The following KAZN variants were observed in gnomAD, a reference collection of about 807,000 sequenced individuals.
KAZN encodes the protein kazrin.
A neutral mutation model predicts 87.4 loss-of-function variants in KAZN; 40 were observed. The observed-to-expected ratio is 0.46, with a 90% CI of 0.36 to 0.60. The LOEUF is 0.60. KAZN is among the 20% of genes least tolerant of loss of function. The pLI is 0.00. For missense variants in KAZN, 898 were observed against 1,073.9 expected (o/e 0.84, Z 2.29); for synonymous variants, 466 against 458.3 (o/e 1.02, Z -0.22).
At chr1:14,316,091 T>C (rs1655640302) in intron 2 of KAZN, among the ~76,000 whole-genome samples, 1 of 152,092 alleles carries the variant, frequency 6.6e-6, no homozygotes, top group Non-Finnish European at 1.5e-5. Flanking sequence ...TAGTCATCTG[T>C]GTGGATATGT....
At chr1:14,248,903 G>T (rs183414948) in intron 2 of KAZN, among the ~76,000 whole-genome samples, 1 of 152,260 alleles carries the variant, frequency 6.6e-6, no homozygotes, top group Non-Finnish European at 1.5e-5. Flanking sequence ...TAGAAATCCA[G>T]CTATCCCTAG....
At chr1:14,104,821 T>C (rs1347284991) in intron 1 of KAZN, among the ~76,000 whole-genome samples, 2 of 152,232 alleles carry the variant, frequency 1.3e-5, no homozygotes, top group African/African-American at 2.4e-5. Flanking sequence ...ATGGTTTTGT[T>C]TTATTCCTAA....
chr1:14,784,512 A>G (rs1645446516), intron 1 of KAZN, among the ~76,000 whole-genome samples: 1 of 152,166 alleles, frequency 6.6e-6, no homozygotes, highest in Non-Finnish European at 1.5e-5. Flanking sequence ...TAATCCCAGC[A>G]CTTTGGGAGG....
intron 1 of KAZN, among the ~76,000 whole-genome samples, chr1:14,653,980 T>C (rs942631550): frequency 1.3e-5 from 2 of 152,116 alleles, no homozygotes; most frequent in African/African-American, 4.8e-5. Context: ...CTCCCCACAA[T>C]TATAACAACC....
chr1:15,065,145 T>C (rs1232555440), intron 7 of KAZN, among the ~76,000 whole-genome samples: 1 of 150,432 alleles, frequency 6.6e-6, no homozygotes, highest in Non-Finnish European at 1.5e-5. Flanking sequence ...TCTCCTGCCT[T>C]AGCCTCTCAA....
intron 1 of KAZN, among the ~76,000 whole-genome samples, chr1:14,043,603 T>C (rs1641931806): frequency 9.5e-6 from 1 of 104,730 alleles, no homozygotes; most frequent in African/African-American, 4.8e-5. Context: ...CCAACACTTG[T>C]TATTTTCTGT....
chr1:14,785,279 C>T (rs1464090205), intron 1 of KAZN, among the ~76,000 whole-genome samples: 3 of 152,184 alleles, frequency 2.0e-5, no homozygotes, highest in African/African-American at 7.2e-5. Context: ...ACTTTCCCAA[C>T]CTTCCCTTGG....
chr1:14,022,485 C>CAA (rs58713618), intron 1 of KAZN, among the ~76,000 whole-genome samples: 11 of 110,488 alleles, frequency 1.0e-4, no homozygotes, highest in South Asian at 3.5e-4. Flanking sequence ...GTATTTAAAG[C>CAA]AAAAAAAAAA....
intron 1 of KAZN, among the ~76,000 whole-genome samples, chr1:14,103,117 C>T (rs907732116): frequency 1.3e-5 from 2 of 152,010 alleles, no homozygotes; most frequent in African/African-American, 4.8e-5. Context: ...CTGAGGGTCT[C>T]ACCATGTTGG....
chr1:14,840,217 A>G (rs1311717829), intron 1 of KAZN, among the ~76,000 whole-genome samples: 1 of 152,170 alleles, frequency 6.6e-6, no homozygotes, highest in African/African-American at 2.4e-5. Context: ...GAGGTCGATT[A>G]TTGCTTTTAT....
intron 2 of KAZN, among the ~76,000 whole-genome samples, chr1:14,233,226 C>T (rs1388497983): frequency 2.0e-5 from 3 of 152,072 alleles, no homozygotes; most frequent in Admixed American, 6.6e-5. Flanking sequence ...CGGTTTCCTG[C>T]GTTCAACTGA....
At chr1:15,030,201 G>T (rs1440912791) in intron 2 of KAZN, among the ~76,000 whole-genome samples, 1 of 152,172 alleles carries the variant, frequency 6.6e-6, no homozygotes, top group Non-Finnish European at 1.5e-5. Flanking sequence ...CAGCGACAGC[G>T]GGGCCCCGGC....
chr1:14,405,606 A>ATATGTGTGTG (rs760881462), intron 2 of KAZN, among the ~76,000 whole-genome samples: 153 of 136,324 alleles, frequency 1.1e-3, no homozygotes, highest in African/African-American at 3.7e-3. Flanking sequence ...ACCCAATAAA[A>ATATGTGTGTG]TGTGTGTGTG....
chr1:14,698,720 A>G (rs1572253663), intron 1 of KAZN, among the ~76,000 whole-genome samples: 1 of 152,240 alleles, frequency 6.6e-6, no homozygotes, highest in Admixed American at 6.5e-5. Flanking sequence ...CAGCGCCAGC[A>G]CCAGCCCGTT....
intron 1 of KAZN, among the ~76,000 whole-genome samples, chr1:14,663,619 T>TA (rs1342023448): frequency 2.6e-5 from 4 of 151,904 alleles, no homozygotes; most frequent in Non-Finnish European, 5.9e-5. Context: ...ATGGCTGCTG[T>TA]AAAAAACAAA....
intron 1 of KAZN, among the ~76,000 whole-genome samples, chr1:14,905,167 T>C (rs998457718): frequency 6.6e-6 from 1 of 152,158 alleles, no homozygotes; most frequent in Non-Finnish European, 1.5e-5. Context: ...CAAGCAATTC[T>C]CCTGTCTCAG....
intron 1 of KAZN, among the ~76,000 whole-genome samples, chr1:14,126,185 C>G (rs548362417): frequency 6.6e-6 from 1 of 152,246 alleles, no homozygotes; most frequent in South Asian, 2.1e-4. Context: ...GACACAGTTG[C>G]AACTGAAACA....
chr1:14,160,708 A>T lies in KAZN; in HGVS notation c.92-19727A>T, dbSNP rs376700688. Among the ~76,000 whole-genome samples, 28 of 152,250 alleles carry T rather than the reference A, an allele frequency of 1.8e-4. 2 individuals are homozygous for T. The highest frequency in any genetic ancestry group is 1.7e-3 in the East Asian group (9 of 5,182). ...GCCCCCTGCCTTGCAGTTCTTGCTG[A>T]GCTAGAAGTAAGTGAATTTGGGGGT... On this transcript the variant is annotated intron_variant, in intron 1 of 16. Coordinates refer to the KAZN transcript ENST00000636203.
In KAZN at chr1:14,773,085, G is replaced by C. The variant is rs1259261447; in HGVS notation, c.226+173862G>C. Among the ~76,000 whole-genome samples, 2 of 152,120 alleles carry C rather than the reference G, an allele frequency of 1.3e-5. No homozygotes were observed. Among genetic ancestry groups the C allele is most frequent in the Non-Finnish European group, 2.9e-5 (2 of 67,998 alleles). On this transcript the variant is annotated intron_variant, in intron 1 of 14. Coordinates refer to ENST00000376030, the MANE Select transcript of KAZN (RefSeq NM_201628.3). The surrounding 1 kb of genome is among the most constrained non-coding windows in gnomAD (Gnocchi z 5.9). ...TTTGAGGGTCAGGTGGGTGACCCTA[G>C]TCCCCCACAAAGGTAGCATCTGGTG...
Sources: allele counts gnomAD v4.1 joint callset (sites outside exome capture counted in the v4.1 genomes callset), GRCh38; gene constraint gnomAD v4.1.1; non-coding constraint Gnocchi (gnomAD v3.1); transcripts MANE v1.5; gene names NCBI Gene and HGNC (gene_info 2026-07-23, HGNC 2026-07-21).